The following LZTFL1 variants were observed in gnomAD, a reference collection of about 807,000 sequenced individuals.
LZTFL1 encodes leucine zipper transcription factor-like protein 1.
A neutral mutation model predicts 45.9 loss-of-function variants in LZTFL1; 25 were observed. The ratio of observed to expected loss-of-function variants is 0.54; its 90% confidence interval spans 0.40 to 0.76. The LOEUF is 0.76. LZTFL1 is among the 30% of genes least tolerant of loss of function. The pLI is 0.00. For synonymous variants in LZTFL1, 93 were observed against 117.4 expected, an observed-to-expected ratio of 0.79 and a Z score of 1.35; for missense variants, 277 against 331.1, an observed-to-expected ratio of 0.84 and a Z score of 1.27.
chr3:45,894,528 C>T (rs1323762405), intron 2 of LZTFL1, among the ~76,000 whole-genome samples: 1 of 152,140 alleles, frequency 6.6e-6, no homozygotes, highest in Non-Finnish European at 1.5e-5. Context: ...ACTTGACAGA[C>T]AAGCTGAATC....
At chr3:45,889,824 T>C (rs568971888) in intron 2 of LZTFL1, among the ~76,000 whole-genome samples, 1 of 152,206 alleles carries the variant, frequency 6.6e-6, no homozygotes, top group South Asian at 2.1e-4. Context: ...TGGATTGATG[T>C]GTCATAATAT....
intron 2 of LZTFL1, chr3:45,902,097 T>G: frequency 1.8e-6 from 1 of 549,046 alleles, no homozygotes; most frequent in Non-Finnish European, 3.2e-6. Context: ...AGGCTGTTGA[T>G]TGGCTCTTGA....
At chr3:45,892,699 A>G (rs1447920270) in intron 2 of LZTFL1, among the ~76,000 whole-genome samples, 1 of 152,142 alleles carries the variant, frequency 6.6e-6, no homozygotes, top group Non-Finnish European at 1.5e-5. Flanking sequence ...ACCTGCACAT[A>G]TACCCCTGAA....
Position 45,901,669 on chromosome 3 carries a change from A to G in LZTFL1, c.-215+11451T>C. 1 of 1,613,896 alleles carries G rather than the reference A, an allele frequency of 6.2e-7. No homozygotes were observed. Among genetic ancestry groups the G allele is most frequent in the Non-Finnish European group, 8.5e-7 (1 of 1,179,798 alleles). ...ATCTCCAACTGTGCCGTTTCCACCAACATTGACATCTGCTTCCAGGTCACC... is the reference window on the plus strand; with the variant it reads ...ATCTCCAACTGTGCCGTTTCCACCAGCATTGACATCTGCTTCCAGGTCACC... On this transcript the variant is annotated intron_variant, in intron 2 of 4. Coordinates refer to the LZTFL1 transcript ENST00000472635. This position sits in a 1 kb window ranked among gnomAD's most constrained non-coding sequence, Gnocchi z 4.3.
Position 45,824,590 on chromosome 3 carries a change from C to G in LZTFL1, c.*1724G>C. The G allele has an allele frequency of 2.6e-6, 1 of 378,188 alleles. No homozygotes were observed. The highest frequency in any genetic ancestry group is 4.7e-6 in the Non-Finnish European group (1 of 213,646). 23.4% of individuals were successfully genotyped at this position (378,188 alleles called of 1,614,324 possible). On this transcript the variant is annotated 3_prime_UTR_variant, in exon 10 of 10. Transcript: ENST00000296135. ...AAAACTGCTACCAAGAAAACAAGTA[C>G]AAATTCTACCTAGCAATATAGGTTT... is the stretch of plus-strand genomic sequence containing the variant.
At chr3:45,847,395 C>A (rs1408325284) in intron 4 of LZTFL1, among the ~76,000 whole-genome samples, 1 of 152,116 alleles carries the variant, frequency 6.6e-6, no homozygotes. Flanking sequence ...ATTGACAATC[C>A]TTTCCATAAA....
chr3:45,890,271 C>A (rs376262611), intron 2 of LZTFL1, among the ~76,000 whole-genome samples: 6,704 of 10,280 alleles, frequency 0.65, 2,356 homozygotes, highest in Middle Eastern at 0.8. Flanking sequence ...ATATATATAA[C>A]ATATATATAT....
chr3:45,903,573 G>C (rs1014050601), intron 2 of LZTFL1, among the ~76,000 whole-genome samples: 4 of 152,196 alleles, frequency 2.6e-5, no homozygotes, highest in Admixed American at 2.6e-4. Context: ...TTCCAAAGGG[G>C]AGACAAAAGC....
intron 2 of LZTFL1, among the ~76,000 whole-genome samples, chr3:45,878,475 C>A (rs1401943681): frequency 6.6e-6 from 1 of 151,866 alleles, no homozygotes; most frequent in Non-Finnish European, 1.5e-5. Flanking sequence ...CAGGGGTTGG[C>A]GCTATGGACA....
At chr3:45,895,174 CAG>C (rs1354775808) in intron 2 of LZTFL1, 2 of 574,988 alleles carry the variant, frequency 3.5e-6, no homozygotes, top group African/African-American at 1.9e-5. Flanking sequence ...GTTGTGGAGA[CAG>C]AGGAAAATGT....
chr3:45,912,380 T>A (rs1702811478), intron 2 of LZTFL1, among the ~76,000 whole-genome samples: 1 of 152,230 alleles, frequency 6.6e-6, no homozygotes, highest in Admixed American at 6.5e-5. Context: ...AAAGTGACTT[T>A]GCAGTTCCTC....
intron 4 of LZTFL1, among the ~76,000 whole-genome samples, chr3:45,848,331 A>G (rs955475336): frequency 2.2e-4 from 33 of 152,196 alleles, no homozygotes; most frequent in African/African-American, 8.0e-4. Context: ...ACCTAAATCT[A>G]TGGTACATAT....
In LZTFL1 at chr3:45,842,087, TG is replaced by T. The variant is rs930132923; in HGVS notation, c.-97del. ...CCGAGGGTAGTTGGACCACAGAAAA[TG>T]GGGAAGGAGGGTAGGTTGTTTAGAA... On this transcript the variant is annotated 5_prime_UTR_variant, in exon 1 of 10. Transcript: ENST00000296135. 4.8e-4 allele frequency: 754 copies of T among 1,573,182 alleles called. 1 individual carries two copies. Among genetic ancestry groups the T allele is most frequent in the Non-Finnish European group, 6.0e-4 (693 of 1,162,492 alleles).
Position 45,842,044 on chromosome 3 carries a change from C to G in LZTFL1, c.-53G>C. 6.2e-7 allele frequency: 1 copy of G among 1,603,890 alleles called. No individual in the cohort carries two copies. The highest frequency in any genetic ancestry group is 8.5e-7 in the Non-Finnish European group (1 of 1,176,848). ...GGAACGGGAGAGGCCAGGCGGTGCC[C>G]CGCCAAGCCTGGGATCGCCGAGGGT... On this transcript the variant is annotated 5_prime_UTR_variant, in exon 1 of 10. Coordinates refer to ENST00000296135, the MANE Select transcript of LZTFL1 (RefSeq NM_020347.4).
chr3:45,906,822 T>G (rs1026595992), intron 2 of LZTFL1, among the ~76,000 whole-genome samples: 5 of 152,242 alleles, frequency 3.3e-5, no homozygotes, highest in Admixed American at 1.3e-4. Context: ...CCTAGGCATG[T>G]GTCTGAACCT....
Position 45,901,314 on chromosome 3 carries a change from G to A in LZTFL1, c.-215+11806C>T. On this transcript the variant is annotated intron_variant, in intron 2 of 4. Transcript: ENST00000472635. The surrounding 1 kb of genome is among the most constrained non-coding windows in gnomAD (Gnocchi z 4.3). ...GGTTTGCTTTACCATCTGGGTATTG[G>A]CAGCTGCTCTCTGCATCCCAGAAAT... The A allele has an allele frequency of 6.2e-7, 1 of 1,614,144 alleles. No homozygotes were observed. Among genetic ancestry groups the A allele is most frequent in the East Asian group, 2.2e-5 (1 of 44,874 alleles).
intron 4 of LZTFL1, among the ~76,000 whole-genome samples, chr3:45,851,417 G>T (rs1473256515): frequency 6.6e-6 from 1 of 151,930 alleles, no homozygotes; most frequent in Non-Finnish European, 1.5e-5. Flanking sequence ...AGTAGAGACA[G>T]GGTTTCACTG....
At chr3:45,894,718 A>AC (rs1702296337) in intron 2 of LZTFL1, among the ~76,000 whole-genome samples, 2 of 152,220 alleles carry the variant, frequency 1.3e-5, no homozygotes, top group African/African-American at 2.4e-5. Context: ...GGAGAGGTTC[A>AC]TTCATTTCTG....
rs113812642 is a variant in LZTFL1 at position 45,907,385 on chromosome 3, G to A, written c.-215+5735C>T. On this transcript the variant is annotated intron_variant, in intron 2 of 4. Coordinates refer to the LZTFL1 transcript ENST00000472635. Reference sequence around the variant, plus strand: ...CGAACACTGTGCCTGCTCCACCAGCGGCCCTCGCTCAGGCCAGGCTCTGTG... The same window carrying A: ...CGAACACTGTGCCTGCTCCACCAGCAGCCCTCGCTCAGGCCAGGCTCTGTG... Among the ~76,000 whole-genome samples the A allele has an allele frequency of 5.9e-3, 892 of 152,290 alleles. 8 individuals carry two copies. Among genetic ancestry groups the A allele is most frequent in the African/African-American group, 0.02 (816 of 41,568 alleles).
Sources: allele counts gnomAD v4.1 joint callset (sites outside exome capture counted in the v4.1 genomes callset), GRCh38; gene constraint gnomAD v4.1.1; non-coding constraint Gnocchi (gnomAD v3.1); transcripts MANE v1.5; gene names NCBI Gene and HGNC (gene_info 2026-07-23, HGNC 2026-07-21).